The following PDLIM5 variants were observed in gnomAD, a reference collection of about 807,000 sequenced individuals.
PDLIM5 encodes the protein PDZ and LIM domain 5.
PDLIM5 carries 34 observed loss-of-function variants against 64.2 expected under a neutral mutation model. The observed-to-expected ratio is 0.53, with a 90% CI of 0.40 to 0.71. The LOEUF (loss-of-function observed/expected upper bound fraction) is 0.71. Among genes scored for constraint, PDLIM5 ranks in the 30% least tolerant of loss-of-function variants. The pLI, the probability that PDLIM5 is intolerant of heterozygous loss-of-function variation, is 0.00. For synonymous variants in PDLIM5, 253 were observed against 269.1 expected (o/e 0.94, Z 0.59); for missense variants, 683 against 733.6 (o/e 0.93, Z 0.80).
At chr4:94,608,738 A>G (rs562396851) in intron 7 of PDLIM5, among the ~76,000 whole-genome samples, 42 of 152,176 alleles carry the variant, frequency 2.8e-4, no homozygotes, top group Non-Finnish European at 5.7e-4. Flanking sequence ...ATTCACCATT[A>G]TGTCTCCAAA....
intron 3 of PDLIM5, among the ~76,000 whole-genome samples, chr4:94,545,298 C>A (rs541987624): frequency 6.6e-6 from 1 of 152,296 alleles, no homozygotes; most frequent in East Asian, 1.9e-4. Flanking sequence ...TAAATTTTTA[C>A]AACTCTAATA....
At chr4:94,498,498 A>G (rs1225184770) in intron 2 of PDLIM5, among the ~76,000 whole-genome samples, 2 of 152,226 alleles carry the variant, frequency 1.3e-5, no homozygotes, top group African/African-American at 4.8e-5. Flanking sequence ...AATACCTTGC[A>G]TTAAAGAAGT....
chr4:94,481,005 G>C (rs980863792), intron 2 of PDLIM5, among the ~76,000 whole-genome samples: 1 of 152,124 alleles, frequency 6.6e-6, no homozygotes. Context: ...ATGTTAAGCT[G>C]TTATTATATA....
At chr4:94,493,138 A>G (rs1376113152) in intron 2 of PDLIM5, among the ~76,000 whole-genome samples, 1 of 152,118 alleles carries the variant, frequency 6.6e-6, no homozygotes, top group African/African-American at 2.4e-5. Flanking sequence ...TTATGTGCTT[A>G]TTGGACATTT....
chr4:94,605,676 T>C (rs1362984015), intron 7 of PDLIM5, among the ~76,000 whole-genome samples: 2 of 152,202 alleles, frequency 1.3e-5, no homozygotes, highest in Non-Finnish European at 2.9e-5. Flanking sequence ...AATGAAGAGA[T>C]AATCAATACG....
chr4:94,462,929 A>G (rs1316065796), intron 2 of PDLIM5, among the ~76,000 whole-genome samples: 2 of 152,102 alleles, frequency 1.3e-5, no homozygotes, highest in African/African-American at 4.8e-5. Context: ...TTTGTTTTCC[A>G]TTTTGCAAGA....
intron 2 of PDLIM5, among the ~76,000 whole-genome samples, chr4:94,515,846 A>G (rs1035501353): frequency 3.3e-5 from 5 of 152,210 alleles, no homozygotes; most frequent in Non-Finnish European, 7.3e-5. Context: ...TCACTATTCC[A>G]GAGTAGGCTA....
intron 7 of PDLIM5, among the ~76,000 whole-genome samples, chr4:94,592,734 C>G (rs986641696): frequency 1.3e-5 from 2 of 152,128 alleles, no homozygotes; most frequent in African/African-American, 4.8e-5. Context: ...TCAAGTGATC[C>G]TCCCGCCTCA....
intron 2 of PDLIM5, among the ~76,000 whole-genome samples, chr4:94,472,372 A>T (rs760657516): frequency 2.4e-4 from 36 of 152,242 alleles, no homozygotes; most frequent in Non-Finnish European, 4.0e-4. Context: ...TTCCACAGTG[A>T]TTGCCATTCA....
At chr4:94,597,665 ATG>A (rs1170601960) in intron 7 of PDLIM5, among the ~76,000 whole-genome samples, 1 of 151,360 alleles carries the variant, frequency 6.6e-6, no homozygotes, top group African/African-American at 2.4e-5. Flanking sequence ...CGCTCAGGGT[ATG>A]TAGAGGACTT....
intron 2 of PDLIM5, among the ~76,000 whole-genome samples, chr4:94,465,049 A>G (rs1344558146): frequency 6.6e-6 from 1 of 152,138 alleles, no homozygotes; most frequent in African/African-American, 2.4e-5. Flanking sequence ...TTGCATATAA[A>G]TGGGCCCGTT....
chr4:94,525,841 C>A (rs201907718), intron 3 of PDLIM5, among the ~76,000 whole-genome samples: 3 of 151,934 alleles, frequency 2.0e-5, no homozygotes, highest in Non-Finnish European at 4.4e-5. Context: ...CATTTTAATG[C>A]GTAGGAAAGT....
At chr4:94,495,562 C>A (rs1437105917) in intron 2 of PDLIM5, among the ~76,000 whole-genome samples, 2 of 151,480 alleles carry the variant, frequency 1.3e-5, no homozygotes, top group Non-Finnish European at 2.9e-5. Context: ...ATGCTAGGAA[C>A]AGGCATGGTA....
chr4:94,648,112 A>G (rs1741560352), intron 9 of PDLIM5, among the ~76,000 whole-genome samples: 1 of 152,200 alleles, frequency 6.6e-6, no homozygotes, highest in Non-Finnish European at 1.5e-5. Context: ...GACTCTAGAA[A>G]AAGATCAAAC....
At chr4:94,466,709 C>T (rs1325637118) in intron 2 of PDLIM5, among the ~76,000 whole-genome samples, 4 of 152,142 alleles carry the variant, frequency 2.6e-5, no homozygotes, top group Non-Finnish European at 5.9e-5. Context: ...CCAGCCTCTT[C>T]CTGATTTTTC....
chr4:94,658,562 C>G (rs949663685), intron 11 of PDLIM5, among the ~76,000 whole-genome samples: 2 of 152,200 alleles, frequency 1.3e-5, no homozygotes, highest in African/African-American at 4.8e-5. Context: ...GTTATTCTAC[C>G]TTGAAATTCA....
intron 3 of PDLIM5, among the ~76,000 whole-genome samples, chr4:94,562,891 A>G (rs1398823944): frequency 3.3e-5 from 5 of 152,166 alleles, no homozygotes; most frequent in Non-Finnish European, 4.4e-5. Flanking sequence ...TATGTTTTCT[A>G]TGGTTCCCTT....
chr4:94,481,534 G>A (rs955746914), intron 2 of PDLIM5, among the ~76,000 whole-genome samples: 10 of 151,736 alleles, frequency 6.6e-5, no homozygotes, highest in South Asian at 2.1e-4. Flanking sequence ...TGCCTGCCTC[G>A]CCTCCGAAAG....
chr4:94,611,149 A>G (rs540823063), intron 7 of PDLIM5: 19 of 1,534,530 alleles, frequency 1.2e-5, no homozygotes, highest in Middle Eastern at 1.7e-4. Context: ...GCTTTTTCCT[A>G]TCTGCAGTCC....
Sources: gnomAD v4.1 joint callset for allele counts (sites outside exome capture counted in the v4.1 genomes callset) on GRCh38, gnomAD v4.1.1 for gene constraint, MANE v1.5 for transcripts, NCBI Gene and HGNC (gene_info 2026-07-23, HGNC 2026-07-21) for gene names.